PCDH7: variants seen among roughly 807,000 people sequenced by gnomAD.
The protein encoded by PCDH7 is protocadherin 7.
PCDH7 carries 17 observed loss-of-function variants against 58.9 expected under a neutral mutation model. That is an observed-to-expected ratio of 0.29 (90% confidence interval 0.20 to 0.43). PCDH7 has a LOEUF of 0.43. Among genes scored for constraint, PCDH7 ranks in the 20% least tolerant of loss-of-function variants. PCDH7 has a pLI of 1.00. For missense variants in PCDH7, 1,274 were observed against 1,441.0 expected (o/e 0.88, Z 1.88); for synonymous variants, 664 against 616.4 (o/e 1.08, Z -1.14).
intron 3 of PCDH7, among the ~76,000 whole-genome samples, chr4:31,050,467 C>T (rs1436729222): frequency 6.6e-6 from 1 of 152,064 alleles, no homozygotes; most frequent in Non-Finnish European, 1.5e-5. Context: ...ACTATATATA[C>T]TCAGAGTGCA....
chr4:30,817,483 A>T (rs1727835706), intron 1 of PCDH7, among the ~76,000 whole-genome samples: 1 of 152,212 alleles, frequency 6.6e-6, no homozygotes, highest in African/African-American at 2.4e-5. Flanking sequence ...GTCTGCATAT[A>T]TCTGTTCTAA....
intron 3 of PCDH7, among the ~76,000 whole-genome samples, chr4:31,035,792 CT>C (rs1346237760): frequency 6.6e-6 from 1 of 152,112 alleles, no homozygotes; most frequent in African/African-American, 2.4e-5. Flanking sequence ...AACATGTTTT[CT>C]TTAAAGTTCC....
At chr4:30,966,685 A>G (rs1332080299) in intron 3 of PCDH7, among the ~76,000 whole-genome samples, 1 of 152,080 alleles carries the variant, frequency 6.6e-6, no homozygotes, top group African/African-American at 2.4e-5. Context: ...AAGGTTCCAT[A>G]TTGTCAGTTG....
intron 3 of PCDH7, among the ~76,000 whole-genome samples, chr4:30,968,384 A>ATACACACACAC (rs1560541607): frequency 9.7e-5 from 5 of 51,442 alleles, no homozygotes; most frequent in African/African-American, 7.4e-4. Flanking sequence ...CACTATATAT[A>ATACACACACAC]TATATATATA....
intron 3 of PCDH7, among the ~76,000 whole-genome samples, chr4:31,135,790 A>G (rs147601607): frequency 2.9e-4 from 44 of 152,350 alleles, no homozygotes; most frequent in African/African-American, 9.6e-4. Context: ...AGATGCAAAT[A>G]GCCTTGCATT....
At chr4:30,760,578 G>C (rs965433549) in intron 1 of PCDH7, among the ~76,000 whole-genome samples, 6 of 152,018 alleles carry the variant, frequency 3.9e-5, no homozygotes, top group Non-Finnish European at 7.4e-5. Flanking sequence ...CAAATCATGA[G>C]TGAACTCCCA....
chr4:31,071,446 C>T (rs749684157), intron 3 of PCDH7, among the ~76,000 whole-genome samples: 1 of 151,970 alleles, frequency 6.6e-6, no homozygotes, highest in Non-Finnish European at 1.5e-5. Context: ...GGAGAGGGGG[C>T]AGCCTTTCAT....
intron 1 of PCDH7, among the ~76,000 whole-genome samples, chr4:30,774,078 A>T (rs1241009759): frequency 6.6e-6 from 1 of 151,936 alleles, no homozygotes; most frequent in Admixed American, 6.6e-5. Context: ...GAGTGATTTC[A>T]ATTTCTTTTA....
At chr4:31,134,476 C>A (rs964878572) in intron 3 of PCDH7, among the ~76,000 whole-genome samples, 2 of 152,006 alleles carry the variant, frequency 1.3e-5, no homozygotes, top group African/African-American at 4.8e-5. Context: ...AAAAAACAAA[C>A]AAACAAAAAA....
rs114152510 is a variant in PCDH7 at position 31,053,776 on chromosome 4, T to C, written c.*8-88697T>C. On this transcript the variant is annotated intron_variant, in intron 3 of 3. Coordinates refer to the PCDH7 transcript ENST00000509759. The stretch of plus-strand genomic sequence containing the variant: ...CTCTGTCCCTAAGCTAAGTTTTACT[T>C]TATTGGAGTTGGTAGTTACATATTA... 6.5e-3 allele frequency among the ~76,000 whole-genome samples: 982 copies of C among 152,200 alleles called. 10 individuals carry two copies. The highest frequency in any genetic ancestry group is 0.022 in the African/African-American group (932 of 41,544).
chr4:30,878,499 C>T (rs546229559), intron 1 of PCDH7, among the ~76,000 whole-genome samples: 4 of 152,046 alleles, frequency 2.6e-5, no homozygotes, highest in Non-Finnish European at 4.4e-5. Context: ...TTTTGAATAA[C>T]GTGATGCAAA....
chr4:31,141,091 A>G (rs1173200029), intron 3 of PCDH7, among the ~76,000 whole-genome samples: 1 of 152,246 alleles, frequency 6.6e-6, no homozygotes, highest in East Asian at 1.9e-4. Context: ...GCCTTCATTT[A>G]GGAGATTTAG....
chr4:30,727,052 G>T (rs1298451995), intron 1 of PCDH7, among the ~76,000 whole-genome samples: 1 of 151,728 alleles, frequency 6.6e-6, no homozygotes, highest in Non-Finnish European at 1.5e-5. Flanking sequence ...GAGAATTCAG[G>T]GTTTCGCGGG....
intron 3 of PCDH7, among the ~76,000 whole-genome samples, chr4:31,114,438 T>A (rs1716736976): frequency 6.6e-6 from 1 of 152,170 alleles, no homozygotes; most frequent in Non-Finnish European, 1.5e-5. Flanking sequence ...CTGTTTCCTA[T>A]GTAAAATGAT....
intron 2 of PCDH7, among the ~76,000 whole-genome samples, chr4:30,946,915 T>G (rs1217110579): frequency 1.3e-5 from 2 of 152,114 alleles, no homozygotes; most frequent in Non-Finnish European, 2.9e-5. Context: ...TTTTCCCATG[T>G]TAGCCAGACT....
Position 30,870,506 on chromosome 4 carries a change from T to C in PCDH7, c.71-49647T>C, listed in dbSNP as rs183902909. On this transcript the variant is annotated intron_variant, in intron 1 of 3. Coordinates refer to the PCDH7 transcript ENST00000509759. ...AAGTTTAAAACTAGAATGTCTCATT[T>C]GGAAATTTTTGTATTTGTTATCTCA... Among the ~76,000 whole-genome samples, 8 of 152,286 alleles carry C rather than the reference T, an allele frequency of 5.3e-5. No individual in the cohort carries two copies. The South Asian group carries it at 8.3e-4, about 16-fold the overall frequency.
At chr4:30,762,615 A>G (rs748825009) in intron 1 of PCDH7, among the ~76,000 whole-genome samples, 2 of 152,218 alleles carry the variant, frequency 1.3e-5, no homozygotes, top group East Asian at 3.9e-4. Context: ...TTAAATTAAA[A>G]TAGTTTACCC....
At position 30,907,341 on chromosome 4, in the gene PCDH7, T is replaced by G. The variant is rs890994826; in HGVS notation, c.71-12812T>G. Among the ~76,000 whole-genome samples the G allele has an allele frequency of 2.6e-4, 39 of 151,966 alleles. 1 individual carries two copies. The highest frequency in any genetic ancestry group is 3.1e-4 in the Non-Finnish European group (21 of 68,000). ...GGCAACCTACAGAATGCGAGAAAAT[T>G]TTTGCAATCTACCCATCGACAAAGG... On this transcript the variant is annotated intron_variant, in intron 1 of 3. Transcript: ENST00000509759.
chr4:31,070,587 A>G (rs1578713358), intron 3 of PCDH7, among the ~76,000 whole-genome samples: 1 of 152,072 alleles, frequency 6.6e-6, no homozygotes, highest in African/African-American at 2.4e-5. Flanking sequence ...CATTCTCTAA[A>G]TATATAAGTT....
Sources: allele counts gnomAD v4.1 joint callset (sites outside exome capture counted in the v4.1 genomes callset), GRCh38; gene constraint gnomAD v4.1.1; transcripts MANE v1.5; gene names NCBI Gene and HGNC (gene_info 2026-07-23, HGNC 2026-07-21).